Variants in C5orf34 observed in about 807,000 individuals in gnomAD.
C5orf34 encodes uncharacterized protein C5orf34.
Under a neutral mutation model 78.4 loss-of-function variants are expected in C5orf34, and 73 were observed. The ratio of observed to expected loss-of-function variants is 0.93; its 90% CI spans 0.77 to 1.13. C5orf34 has a LOEUF of 1.13. Ranked by LOEUF, C5orf34 falls within the 50% of genes most tolerant of loss-of-function variation. C5orf34 has a pLI of 0.00. For missense variants in C5orf34, 730 were observed against 732.7 expected, an observed-to-expected ratio of 1.00 and a Z score of 0.04; for synonymous variants, 251 against 246.6, an observed-to-expected ratio of 1.02 and a Z score of -0.17.
intron 3 of C5orf34, among the ~76,000 whole-genome samples, chr5:43,507,506 G>A (rs981688462): frequency 6.6e-5 from 10 of 152,192 alleles, no homozygotes; most frequent in Non-Finnish European, 1.3e-4. Flanking sequence ...AAGCTAGGCA[G>A]TTTCAGTGAA....
intron 11 of C5orf34, 98 bp downstream of exon 11, chr5:43,490,533 T>C: frequency 1.3e-6 from 1 of 744,206 alleles, no homozygotes; most frequent in Non-Finnish European, 2.3e-6. Flanking sequence ...ACTAAGAAAG[T>C]TTTTTTGGGG....
Position 43,492,786 on chromosome 5 carries a change from A to G in C5orf34, c.1419T>C (p.Ala473=), listed in dbSNP as rs769113086. The change falls in exon 9 of 13, where the codon GCT becomes GCC. Residue 473 remains alanine (A), a synonymous_variant. Transcript: ENST00000306862. The part of the protein sequence containing the change: ...FLAYSDDKVH[A]IFLDGITLTL... Reference sequence around the variant, plus strand: ...TTAGAGTAATGCCATCTAAAAAGATAGCATGTACTTTGTCATCAGAGTAGG... The same window carrying G: ...TTAGAGTAATGCCATCTAAAAAGATGGCATGTACTTTGTCATCAGAGTAGG... 2.5e-6 allele frequency: 4 copies of G among 1,612,638 alleles called. No homozygotes were observed. Among genetic ancestry groups the G allele is most frequent in the Admixed American group, 1.7e-5 (1 of 59,954 alleles).
rs183531280 is a variant in C5orf34 at position 43,495,318 on chromosome 5, G to A, written c.1153-717C>T. ...TCTTCCAGCTTTTTACCAGAACCGCGATCAATCTTTTCCTTCAGCTCAGCA... is the reference window on the plus strand; with the variant it reads ...TCTTCCAGCTTTTTACCAGAACCGCAATCAATCTTTTCCTTCAGCTCAGCA... On this transcript the variant is annotated intron_variant, in intron 6 of 12. Coordinates refer to ENST00000306862, the MANE Select transcript of C5orf34 (RefSeq NM_198566.4). The A allele has an allele frequency of 2.0e-4, 319 of 1,611,458 alleles. 4 individuals are homozygous for A. In the East Asian group the frequency reaches 4.3e-3, roughly 22 times the overall value.
intron 6 of C5orf34, chr5:43,496,074 T>G (rs180946183): frequency 6.4e-7 from 1 of 1,569,750 alleles, no homozygotes; most frequent in Non-Finnish European, 8.7e-7. Flanking sequence ...TGCCCATTCT[T>G]GGAGATACCA....
In C5orf34 at chr5:43,503,083, C is replaced by T. The variant is rs139079056; in HGVS notation, c.1028+582G>A. The stretch of plus-strand genomic sequence containing the variant: ...TCTTCACATAGGAAAAGGAGAGCCC[C>T]CTCGCTCTCCAAAAATTTAGCAGTG... On this transcript the variant is annotated intron_variant, in intron 5 of 12. Coordinates refer to ENST00000306862, the MANE Select transcript of C5orf34 (RefSeq NM_198566.4). Among the ~76,000 whole-genome samples, 636 of 152,260 alleles carry T rather than the reference C, an allele frequency of 4.2e-3. 3 individuals carry two copies. The highest frequency in any genetic ancestry group is 0.01 in the Middle Eastern group (3 of 294).
rs757261342 is a variant in C5orf34 at position 43,505,804 on chromosome 5, C to T, written c.876G>A (p.Val292=). The T allele has an allele frequency of 1.9e-6, 3 of 1,609,622 alleles. No homozygotes were observed. In the Admixed American group the frequency reaches 5.0e-5, roughly 27 times the overall value. The change falls in exon 4 of 13, where the codon GTG becomes GTA. Residue 292 remains valine (V), a synonymous_variant. Transcript: ENST00000306862. ...TSDISEERGK[V]VSVLPRALSL... Reference sequence around the variant, plus strand: ...ACAGGGCCCTGGGAAGAACAGAAACCACTTTTCCTCTTTCCTCTGAAATAT... The same window carrying T: ...ACAGGGCCCTGGGAAGAACAGAAACTACTTTTCCTCTTTCCTCTGAAATAT...
rs766284107 is a variant in C5orf34 at position 43,487,030 on chromosome 5, C to A, written c.1802G>T (p.Gly601Val). Residue 601 changes from glycine (G) to valine (V), a missense_variant, in exon 13 of 13, where the codon GGA (glycine) becomes GTA (valine). Gly to Val is a moderately radical substitution (Grantham distance 109). Transcript: ENST00000306862. ...TTCTCCTAGCAAGGTTTCTGAAGAT[C>A]CTGGTTTATAATGATCAAAAGACTG... is the stretch of plus-strand genomic sequence containing the variant. ...EQQSFDHYKPGSSETLLGEVN... is the reference protein window; with the variant it reads ...EQQSFDHYKPVSSETLLGEVN... 6.3e-7 allele frequency: 1 copy of A among 1,589,714 alleles called. No individual in the cohort carries two copies. The highest frequency in any genetic ancestry group is 2.3e-5 in the East Asian group (1 of 43,360).
Position 43,502,493 on chromosome 5 carries a change from A to T in C5orf34, c.1031T>A (p.Leu344His), listed in dbSNP as rs749151700. Reference protein sequence around the residue: ...MVWYKGVTYRLTHQNMNSIEI... With the variant: ...MVWYKGVTYRHTHQNMNSIEI... ...TATTGAGTTCATATTTTGATGGGTA[A>T]GTCTAAGAAATAGAAATAACCATTA... is the stretch of plus-strand genomic sequence containing the variant. Residue 344 changes from leucine to histidine, a missense_variant and splice_region_variant, in exon 6 of 13, where the codon CTT becomes CAT. Transcript: ENST00000306862. 8.5e-6 allele frequency: 13 copies of T among 1,535,346 alleles called. No homozygotes were observed. The African/African-American group carries it at 1.8e-4, about 21-fold the overall frequency.
intron 3 of C5orf34, 131 bp downstream of exon 3, chr5:43,508,446 G>A (rs1229510424): frequency 3.3e-6 from 2 of 598,362 alleles, no homozygotes; most frequent in Non-Finnish European, 6.0e-6. Flanking sequence ...GATACACTAT[G>A]TAACTTTGAT....
At chr5:43,490,550 GTC>G (rs1745237972) in intron 11 of C5orf34, 79 bp downstream of exon 11, 3 of 868,908 alleles carry the variant, frequency 3.5e-6, no homozygotes, top group Non-Finnish European at 5.5e-6. Context: ...GGGGAAAAAA[GTC>G]TCAGTTTACC....
intron 6 of C5orf34, among the ~76,000 whole-genome samples, chr5:43,496,721 C>G (rs2112288830): frequency 6.7e-6 from 1 of 148,728 alleles, no homozygotes; most frequent in South Asian, 2.2e-4. Flanking sequence ...GTAGCCAGGA[C>G]CACAGGCACA....
Position 43,505,877 on chromosome 5 carries a change from A to T in C5orf34, c.803T>A (p.Met268Lys). The change falls in exon 4 of 13, where the codon ATG becomes AAG. Residue 268 changes from methionine to lysine, a missense_variant. Coordinates refer to ENST00000306862, the MANE Select transcript of C5orf34 (RefSeq NM_198566.4). ...ALHFHNKISN[M>K]SKIDAHITQS... ...AGTTATATGTGCATCAATTTTAGACATATTGCTGATTTTATTATGAAAATG... is the reference window on the plus strand; with the variant it reads ...AGTTATATGTGCATCAATTTTAGACTTATTGCTGATTTTATTATGAAAATG... 6.2e-7 allele frequency: 1 copy of T among 1,613,956 alleles called. No homozygotes were observed. Among genetic ancestry groups the T allele is most frequent in the Non-Finnish European group, 8.5e-7 (1 of 1,179,858 alleles).
intron 4 of C5orf34, among the ~76,000 whole-genome samples, chr5:43,505,328 C>T (rs1179510509): frequency 6.6e-6 from 1 of 152,246 alleles, no homozygotes; most frequent in Admixed American, 6.5e-5. Context: ...GTCAGATCCA[C>T]ACTCCAGCAA....
chr5:43,508,647 A>G lies in C5orf34; in HGVS notation c.215T>C (p.Leu72Pro). The G allele has an allele frequency of 6.2e-7, 1 of 1,605,274 alleles. No homozygotes were observed. Among genetic ancestry groups the G allele is most frequent in the Non-Finnish European group, 8.5e-7 (1 of 1,172,178 alleles). Residue 72 changes from leucine to proline, a missense_variant, in exon 3 of 13, where the codon CTA becomes CCA. By Grantham distance (98) the Leu-to-Pro change is moderately conservative. Transcript: ENST00000306862. ...AGTAGCTGAAGAGTTTCGAAAATCT[A>G]GGGCTCGCTGTAGTTGCTCCTATGA... is the stretch of plus-strand genomic sequence containing the variant. ...STYREQLQRA[L>P]DFRNSSATCP...
intron 4 of C5orf34, chr5:43,505,416 C>G (rs1745937937): frequency 4.9e-6 from 1 of 204,004 alleles, no homozygotes; most frequent in African/African-American, 2.3e-5. Flanking sequence ...CCTGTCCCAT[C>G]ATTTAGCATA....
intron 4 of C5orf34, 115 bp from the exon 5 acceptor site, chr5:43,503,875 C>A: frequency 4.6e-6 from 3 of 646,410 alleles, no homozygotes; most frequent in East Asian, 2.7e-5. Flanking sequence ...CTCACTAGAT[C>A]AAAGAATAAA....
At chr5:43,492,169 TTAAAAG>T (rs1166581920) in intron 10 of C5orf34, 40 bp downstream of exon 10, 3 of 1,311,044 alleles carry the variant, frequency 2.3e-6, no homozygotes, top group Admixed American at 1.9e-5. Flanking sequence ...TCTCTGTTAG[TTAAAAG>T]TAAAACATAA....
chr5:43,498,026 G>A (rs995452519), intron 6 of C5orf34, among the ~76,000 whole-genome samples: 3 of 152,126 alleles, frequency 2.0e-5, no homozygotes, highest in African/African-American at 7.2e-5. Context: ...CATAGACTAG[G>A]AGAAATCCCC....
intron 1 of C5orf34, among the ~76,000 whole-genome samples, chr5:43,512,735 A>T (rs1418966353): frequency 1.5e-5 from 2 of 132,600 alleles, no homozygotes; most frequent in Admixed American, 7.6e-5. Flanking sequence ...CATAACACTG[A>T]TGTCACTTTT....
Sources: allele counts gnomAD v4.1 joint callset (sites outside exome capture counted in the v4.1 genomes callset), GRCh38; gene constraint gnomAD v4.1.1; transcripts MANE v1.5; gene names NCBI Gene and HGNC (gene_info 2026-07-23, HGNC 2026-07-21).